Variants in ALMS1 observed in about 807,000 individuals in gnomAD.
ALMS1 encodes the protein ALMS1 centrosome and basal body associated protein, also known as centrosome-associated protein ALMS1.
In ALMS1, 271 loss-of-function variants were observed where a neutral mutation model predicts 352.2. That is an observed-to-expected ratio of 0.77 (90% CI 0.70 to 0.85). ALMS1 has a LOEUF of 0.85. Among genes scored for constraint, ALMS1 ranks in the 40% least tolerant of loss-of-function variants. ALMS1 has a pLI of 0.00. For missense variants in ALMS1, 5,445 were observed against 4,870.7 expected (o/e 1.12, Z -3.51); for synonymous variants, 1,865 against 1,761.2 (o/e 1.06, Z -1.48).
intron 6 of ALMS1, among the ~76,000 whole-genome samples, chr2:73,426,839 C>T (rs1358364195): frequency 2.0e-5 from 3 of 151,814 alleles, no homozygotes; most frequent in Non-Finnish European, 4.4e-5. Flanking sequence ...TTTTTCTGGG[C>T]GGGGAGGGAA....
chr2:73,477,466 T>C (rs1028577930), intron 9 of ALMS1, among the ~76,000 whole-genome samples: 4 of 151,992 alleles, frequency 2.6e-5, no homozygotes, highest in Non-Finnish European at 4.4e-5. Context: ...TTGGCTGTTC[T>C]GGGTTTATGA....
In ALMS1 at chr2:73,459,308, C is replaced by T. The variant is rs77941649; in HGVS notation, c.7674+4013C>T. The T allele has an allele frequency of 8.2e-3, 1,242 of 152,156 alleles. 13 individuals carry two copies. The highest frequency in any genetic ancestry group is 0.029 in the African/African-American group (1,189 of 41,488). The allele number at this position is 152,156 out of a possible 1,614,324, so 9.4% of individuals were successfully genotyped here. A position where few individuals can be genotyped will look rare whatever the true frequency, so the allele number is the denominator to read the frequency against. On this transcript the variant is annotated intron_variant, in intron 9 of 22. Transcript: ENST00000613296. ...CAATACTTGTAATGTTAACTCATACCACTTAGTTAAGGTGGTATCTGCTGG... is the reference window on the plus strand; with the variant it reads ...CAATACTTGTAATGTTAACTCATACTACTTAGTTAAGGTGGTATCTGCTGG...
chr2:73,385,791 A>G (rs571728800), upstream of ALMS1: 683 of 629,364 alleles, frequency 1.1e-3, 7 homozygotes, highest in South Asian at 7.9e-3. Context: ...CTGGGCCACA[A>G]CCGCCAGTCA....
chr2:73,464,811 G>C (rs749166937), intron 9 of ALMS1, among the ~76,000 whole-genome samples: 5 of 152,174 alleles, frequency 3.3e-5, no homozygotes, highest in Admixed American at 1.3e-4. Flanking sequence ...AGCAGACAAA[G>C]AGCGAGCCAA....
At chr2:73,487,606 C>A (rs1046433792) in intron 9 of ALMS1, among the ~76,000 whole-genome samples, 8 of 152,142 alleles carry the variant, frequency 5.3e-5, no homozygotes, top group African/African-American at 1.9e-4. Context: ...GGGGAGGGGG[C>A]ATGTTTCAGC....
At chr2:73,459,150 T>G (rs1335821023) in intron 9 of ALMS1, 1 of 152,230 alleles carries the variant, frequency 6.6e-6, no homozygotes, top group Non-Finnish European at 1.5e-5. Context: ...CTAGTTACTT[T>G]GCAGATTTCC....
chr2:73,554,174 G>C (rs564923359), intron 13 of ALMS1, among the ~76,000 whole-genome samples: 2 of 151,296 alleles, frequency 1.3e-5, no homozygotes, highest in East Asian at 3.9e-4. Context: ...AAATACATTT[G>C]GCAAATACTG....
chr2:73,396,370 A>G (rs989827795), intron 1 of ALMS1, among the ~76,000 whole-genome samples: 2 of 151,736 alleles, frequency 1.3e-5, no homozygotes, highest in East Asian at 1.9e-4. Flanking sequence ...TATTCCATCT[A>G]TATTTGTAAG....
chr2:73,416,803 A>G (rs1671189562), intron 2 of ALMS1, among the ~76,000 whole-genome samples: 1 of 151,848 alleles, frequency 6.6e-6, no homozygotes. Context: ...TGAATGAATT[A>G]TTTAACCAAA....
At chr2:73,411,695 G>C (rs10496190) in intron 2 of ALMS1, among the ~76,000 whole-genome samples, 67,031 of 152,012 alleles carry the variant, frequency 0.44, 17,938 homozygotes, top group Non-Finnish European at 0.59. Context: ...ACTGTCATCT[G>C]AGTTACCTTT....
intron 1 of ALMS1, among the ~76,000 whole-genome samples, chr2:73,405,781 G>A (rs1238751246): frequency 6.6e-6 from 1 of 151,792 alleles, no homozygotes; most frequent in Non-Finnish European, 1.5e-5. Context: ...TTGTCTTAAT[G>A]TATTATTTCC....
intron 5 of ALMS1, among the ~76,000 whole-genome samples, chr2:73,425,719 TATA>T (rs1182589138): frequency 4.6e-5 from 7 of 152,146 alleles, no homozygotes. Context: ...TCCATTAAAT[TATA>T]ATGATGAAAC....
At chr2:73,567,081 C>T (rs1172371865) in intron 15 of ALMS1, among the ~76,000 whole-genome samples, 2 of 152,078 alleles carry the variant, frequency 1.3e-5, no homozygotes, top group Admixed American at 6.6e-5. Flanking sequence ...ATGGAGGTGC[C>T]ATTACATAGG....
At chr2:73,415,461 CT>C (rs539612413) in intron 2 of ALMS1, among the ~76,000 whole-genome samples, 4 of 151,868 alleles carry the variant, frequency 2.6e-5, no homozygotes, top group Non-Finnish European at 1.5e-5. Context: ...GGCAGAGTGA[CT>C]TTTTTTTATT....
At chr2:73,405,298 G>T (rs1021123966) in intron 1 of ALMS1, among the ~76,000 whole-genome samples, 7 of 151,972 alleles carry the variant, frequency 4.6e-5, no homozygotes, top group African/African-American at 7.2e-5. Flanking sequence ...ATTTTTTCAT[G>T]TTACTCAGTC....
rs1261639958 is a variant in ALMS1, at chr2:73,491,048, T to G, written c.9089T>G (p.Leu3030Ter). 6.2e-7 allele frequency: 1 copy of G among 1,614,214 alleles called. No individual in the cohort carries two copies. Among genetic ancestry groups the G allele is most frequent in the East Asian group, 2.2e-5 (1 of 44,880 alleles). The change falls in exon 10 of 23, where the codon TTA becomes TGA. Residue 3030 changes from leucine to a stop codon, truncating the protein, a stop_gained. Transcript: ENST00000613296. LOFTEE classifies it high-confidence loss of function. ...CAGTCAGCCCCAAATCACTGTACAT[T>G]AGCAGCATCTGCATCTACTCCTCCT... ...VSQSAPNHCTLAASASTPPSN... is the reference protein window; with the variant it reads ...VSQSAPNHCT
intron 16 of ALMS1, among the ~76,000 whole-genome samples, chr2:73,576,491 A>C (rs1260387442): frequency 1.3e-5 from 2 of 151,738 alleles, no homozygotes; most frequent in African/African-American, 2.4e-5. Context: ...ATTTTTAAGG[A>C]TCTCTAGGAT....
chr2:73,507,872 G>T (rs1332775492), intron 10 of ALMS1, among the ~76,000 whole-genome samples: 1 of 152,014 alleles, frequency 6.6e-6, no homozygotes, highest in Admixed American at 6.6e-5. Context: ...TGATGTTAGG[G>T]TGTCGATTTT....
intron 13 of ALMS1, among the ~76,000 whole-genome samples, chr2:73,556,633 C>CTTTTTTTTTTGT (rs1674547940): frequency 9.9e-6 from 1 of 101,486 alleles, no homozygotes; most frequent in Non-Finnish European, 1.9e-5. Flanking sequence ...CTGATCTTTC[C>CTTTTTTTTTTGT]TTTTTTTTTT....
Sources: allele counts gnomAD v4.1 joint callset (sites outside exome capture counted in the v4.1 genomes callset), GRCh38; gene constraint gnomAD v4.1.1; transcripts MANE v1.5; gene names NCBI Gene and HGNC (gene_info 2026-07-23, HGNC 2026-07-21).